Variants in FLI1 observed in about 807,000 individuals in gnomAD.
FLI1 encodes Fli-1 proto-oncogene, ETS transcription factor, also known as Friend leukemia integration 1 transcription factor.
A neutral mutation model predicts 53.1 loss-of-function variants in FLI1; 13 were observed. The observed-to-expected ratio is 0.24, with a 90% CI of 0.16 to 0.39. FLI1 has a LOEUF of 0.39. FLI1 is among the 10% of genes least tolerant of loss of function. The pLI, the probability that FLI1 is intolerant of heterozygous loss-of-function variation, is 1.00. For missense variants in FLI1, 424 were observed against 600.5 expected (o/e 0.71, Z 3.07); for synonymous variants, 244 against 236.7 (o/e 1.03, Z -0.28).
intron 1 of FLI1, among the ~76,000 whole-genome samples, chr11:128,709,632 G>C (rs1005999964): frequency 1.3e-5 from 2 of 152,192 alleles, no homozygotes; most frequent in Admixed American, 6.5e-5. Context: ...TTCCAGGCTT[G>C]TGCTGCTGAT....
intron 1 of FLI1, among the ~76,000 whole-genome samples, chr11:128,754,276 T>TGTGTGTGTGTGC (rs1491299709): frequency 6.7e-6 from 1 of 148,698 alleles, no homozygotes; most frequent in African/African-American, 2.5e-5. Flanking sequence ...TGTGTGTGTG[T>TGTGTGTGTGTGC]GCACATATGC....
chr11:128,734,464 A>G (rs1340437748), intron 1 of FLI1, among the ~76,000 whole-genome samples: 3 of 152,266 alleles, frequency 2.0e-5, no homozygotes, highest in Non-Finnish European at 4.4e-5. Flanking sequence ...TGTTTAAAAC[A>G]GGAGGATGAT....
At chr11:128,756,529 G>A (rs994396002) in intron 1 of FLI1, among the ~76,000 whole-genome samples, 1 of 152,220 alleles carries the variant, frequency 6.6e-6, no homozygotes, top group Non-Finnish European at 1.5e-5. Flanking sequence ...GAGGACACAA[G>A]GCAGCCCCTA....
At chr11:128,776,844 G>A (rs1201312362) in intron 4 of FLI1, among the ~76,000 whole-genome samples, 4 of 152,090 alleles carry the variant, frequency 2.6e-5, no homozygotes, top group Non-Finnish European at 5.9e-5. Flanking sequence ...CCCGGCCCTG[G>A]AGACAGCAAG....
chr11:128,776,523 C>T (rs1465400939), intron 4 of FLI1, among the ~76,000 whole-genome samples: 3 of 152,094 alleles, frequency 2.0e-5, no homozygotes, highest in African/African-American at 4.8e-5. Context: ...TGGTGGTGGG[C>T]GCCTGTAATC....
chr11:128,757,992 C>T lies in FLI1; in HGVS notation c.19-123C>T, dbSNP rs180683281. On this transcript the variant is annotated intron_variant, in intron 1 of 8. Transcript: ENST00000527786. ...CCTGCCCCCTGGAGTGTGAGTCAAA[C>T]AGGAACTTCCAGACAAGCTGTCCTG... is the stretch of plus-strand genomic sequence containing the variant. 537 of 800,600 alleles carry T rather than the reference C, an allele frequency of 6.7e-4. 2 individuals carry two copies. In the African/African-American group the frequency reaches 7.7e-3, roughly 12 times the overall value. The allele number at this position is 800,600 out of a possible 1,614,324, so 49.6% of individuals were successfully genotyped here. A position where few individuals can be genotyped will look rare whatever the true frequency, so the allele number is the denominator to read the frequency against.
Position 128,742,168 on chromosome 11 carries a change from G to A in FLI1, c.19-15947G>A, listed in dbSNP as rs182697489. On this transcript the variant is annotated intron_variant, in intron 1 of 8. Transcript: ENST00000527786. ...CATGCATATTCCCATAATAATCTGC[G>A]TTTCACCCATTTAGCTCACTGTAGA... 1.1e-3 allele frequency among the ~76,000 whole-genome samples: 162 copies of A among 152,106 alleles called. 1 individual carries two copies. The highest frequency in any genetic ancestry group is 3.6e-3 in the African/African-American group (148 of 41,498).
chr11:128,759,114 G>A (rs138471318), intron 2 of FLI1, among the ~76,000 whole-genome samples: 9 of 152,346 alleles, frequency 5.9e-5, no homozygotes, highest in African/African-American at 1.9e-4. Flanking sequence ...CCTGAGACGC[G>A]TTAGGAAAGT....
At chr11:128,744,920 C>A (rs1057082527) in intron 1 of FLI1, among the ~76,000 whole-genome samples, 1 of 152,192 alleles carries the variant, frequency 6.6e-6, no homozygotes. Flanking sequence ...TTGGTGCCAA[C>A]AGACTTCAGC....
At chr11:128,807,848 C>G (rs1008192636) in intron 7 of FLI1, among the ~76,000 whole-genome samples, 1 of 152,190 alleles carries the variant, frequency 6.6e-6, no homozygotes, top group Non-Finnish European at 1.5e-5. Context: ...AATTTCCACT[C>G]AAGCTTTTCC....
intron 8 of FLI1, 65 bp downstream of exon 8, chr11:128,809,269 A>AAGTCTCTGT: frequency 2.8e-6 from 4 of 1,403,664 alleles, no homozygotes; most frequent in South Asian, 1.2e-5. Context: ...GAAATCACAG[A>AAGTCTCTGT]GACTTCTGTC....
At chr11:128,778,107 T>A (rs625797) in intron 4 of FLI1, among the ~76,000 whole-genome samples, 1 of 151,960 alleles carries the variant, frequency 6.6e-6, no homozygotes, top group South Asian at 2.1e-4. Context: ...AAAAATGCCC[T>A]CAATAAATAG....
At chr11:128,750,171 C>T (rs1381896771) in intron 1 of FLI1, among the ~76,000 whole-genome samples, 1 of 152,238 alleles carries the variant, frequency 6.6e-6, no homozygotes, top group Non-Finnish European at 1.5e-5. Flanking sequence ...GAGCCCTGCA[C>T]TGGGAGCGGC....
intron 3 of FLI1, among the ~76,000 whole-genome samples, chr11:128,772,073 C>T (rs1026860820): frequency 1.2e-3 from 165 of 133,468 alleles, no homozygotes; most frequent in African/African-American, 4.9e-3. Context: ...CACACACACA[C>T]ACACATACAC....
upstream of FLI1, chr11:128,693,832 A>G (rs1024580864): frequency 1.7e-4 from 31 of 183,758 alleles, no homozygotes; most frequent in Admixed American, 2.0e-3. Context: ...GTATATTTAT[A>G]TAGTGTGTGA....
At position 128,810,452 on chromosome 11, in the gene FLI1, C is replaced by A; in HGVS notation, c.830-7C>A. On this transcript the variant is annotated splice_polypyrimidine_tract_variant and splice_region_variant and intron_variant, in intron 8 of 8. Coordinates refer to ENST00000527786, the MANE Select transcript of FLI1 (RefSeq NM_002017.5). The surrounding 1 kb of genome is among the most constrained non-coding windows in gnomAD (Gnocchi z 6.6). ...CTGTTCTCTCCCGTTTGCCTCACGG[C>A]GTGCAGGAAGCGGGCAGATCCAGCT... The A allele has an allele frequency of 6.3e-7, 1 of 1,585,142 alleles. No homozygotes were observed. The highest frequency in any genetic ancestry group is 8.6e-7 in the Non-Finnish European group (1 of 1,165,100).
intron 4 of FLI1, among the ~76,000 whole-genome samples, chr11:128,781,740 A>C: frequency 6.6e-6 from 1 of 152,160 alleles, no homozygotes; most frequent in East Asian, 1.9e-4. Context: ...ATTTCATTCC[A>C]AAGTATTCTG....
chr11:128,812,666 C>T lies in FLI1; in HGVS notation c.*1678C>T, dbSNP rs1287618232. On this transcript the variant is annotated 3_prime_UTR_variant, in exon 9 of 9. Transcript: ENST00000527786. ...AACAGCAGCTAAGGCCATGGATAAA[C>T]CTGTATGTAAGGACTGGAGCAAAGC... The T allele has an allele frequency of 2.3e-5, 5 of 221,734 alleles. No individual in the cohort carries two copies. Among genetic ancestry groups the T allele is most frequent in the East Asian group, 1.3e-4 (2 of 15,170 alleles). 13.7% of individuals were successfully genotyped at this position (221,734 alleles called of 1,614,324 possible).
At chr11:128,787,094 G>T (rs1942110666) in intron 5 of FLI1, among the ~76,000 whole-genome samples, 1 of 152,218 alleles carries the variant, frequency 6.6e-6, no homozygotes. Flanking sequence ...GTCCCTTAGA[G>T]TGAAATGCCT....
Sources: allele counts gnomAD v4.1 joint callset (sites outside exome capture counted in the v4.1 genomes callset), GRCh38; gene constraint gnomAD v4.1.1; non-coding constraint Gnocchi (gnomAD v3.1); transcripts MANE v1.5; gene names NCBI Gene and HGNC (gene_info 2026-07-23, HGNC 2026-07-21).